The following TMEM135 variants were observed in gnomAD, a reference collection of about 807,000 sequenced individuals.
TMEM135 encodes peroxisomal membrane protein 52.
Under a neutral mutation model 60.3 loss-of-function variants are expected in TMEM135, and 30 were observed. That is an observed-to-expected ratio of 0.50 (90% CI 0.37 to 0.68). The LOEUF is 0.68. TMEM135 is among the 30% of genes least tolerant of loss of function. TMEM135 has a pLI of 0.00. For missense variants in TMEM135, 468 were observed against 548.8 expected (o/e 0.85, Z 1.47); for synonymous variants, 190 against 186.7 (o/e 1.02, Z -0.14).
intron 5 of TMEM135, among the ~76,000 whole-genome samples, chr11:87,235,327 G>A (rs927478082): frequency 1.5e-4 from 22 of 151,660 alleles, no homozygotes; most frequent in African/African-American, 5.3e-4. Context: ...TGTGTGTTTA[G>A]CACAGAAAGA....
chr11:87,135,422 A>C (rs146607790), intron 4 of TMEM135, among the ~76,000 whole-genome samples: 1 of 151,342 alleles, frequency 6.6e-6, no homozygotes, highest in Non-Finnish European at 1.5e-5. Flanking sequence ...TATCGATCAC[A>C]GTTCATTTAA....
At chr11:87,148,843 A>G (rs1231543761) in intron 4 of TMEM135, among the ~76,000 whole-genome samples, 3 of 152,202 alleles carry the variant, frequency 2.0e-5, no homozygotes, top group African/African-American at 7.2e-5. Context: ...ATAAAAATCT[A>G]TCATAGTAAA....
intron 1 of TMEM135, among the ~76,000 whole-genome samples, chr11:87,045,269 A>G (rs1337025488): frequency 2.0e-5 from 3 of 151,780 alleles, no homozygotes; most frequent in Non-Finnish European, 4.4e-5. Context: ...TGACCTTGTG[A>G]TCCGCCCGCC....
At chr11:87,314,184 G>A (rs1942687019) in intron 11 of TMEM135, among the ~76,000 whole-genome samples, 1 of 151,646 alleles carries the variant, frequency 6.6e-6, no homozygotes, top group Non-Finnish European at 1.5e-5. Context: ...TTTTTAAATT[G>A]TATTTGGCAA....
intron 3 of TMEM135, among the ~76,000 whole-genome samples, chr11:87,088,057 C>G (rs1361918416): frequency 1.3e-5 from 2 of 152,044 alleles, no homozygotes; most frequent in Admixed American, 1.3e-4. Flanking sequence ...CTTTTTAAAG[C>G]TGAGCCCAGC....
chr11:87,240,133 C>T (rs1428157182), intron 6 of TMEM135, among the ~76,000 whole-genome samples: 1 of 151,998 alleles, frequency 6.6e-6, no homozygotes, highest in African/African-American at 2.4e-5. Context: ...GGCCTGCCAG[C>T]CATGTAGCTA....
intron 6 of TMEM135, among the ~76,000 whole-genome samples, chr11:87,250,909 T>G (rs976341645): frequency 3.3e-5 from 5 of 152,140 alleles, no homozygotes; most frequent in African/African-American, 1.2e-4. Context: ...TAGGGGATGC[T>G]CTTGCAGTTA....
At chr11:87,279,284 G>A (rs969390782) in intron 6 of TMEM135, among the ~76,000 whole-genome samples, 7 of 152,110 alleles carry the variant, frequency 4.6e-5, no homozygotes, top group African/African-American at 1.7e-4. Context: ...GGGAGATGGT[G>A]TGTCTACTTC....
At chr11:87,168,366 T>C (rs1167550111) in intron 5 of TMEM135, among the ~76,000 whole-genome samples, 1 of 152,030 alleles carries the variant, frequency 6.6e-6, no homozygotes, top group Admixed American at 6.6e-5. Flanking sequence ...TTGTTAGCTT[T>C]TGCTTTTCTA....
chr11:87,073,821 C>A (rs1241123285), intron 3 of TMEM135, among the ~76,000 whole-genome samples: 3 of 152,022 alleles, frequency 2.0e-5, no homozygotes, highest in Non-Finnish European at 4.4e-5. Flanking sequence ...GTGCCTGCCA[C>A]CACGCCTGGC....
chr11:87,076,205 G>T (rs190706209), intron 3 of TMEM135, among the ~76,000 whole-genome samples: 20 of 152,316 alleles, frequency 1.3e-4, no homozygotes, highest in Admixed American at 6.5e-4. Context: ...AAGTTTGCCT[G>T]ATATTCTTTT....
chr11:87,117,497 C>T (rs185959919), intron 4 of TMEM135, among the ~76,000 whole-genome samples: 7 of 152,282 alleles, frequency 4.6e-5, no homozygotes. Context: ...GTTGTCATTT[C>T]AATAATGTCC....
intron 5 of TMEM135, among the ~76,000 whole-genome samples, chr11:87,185,699 AG>A (rs914129229): frequency 3.8e-4 from 58 of 152,298 alleles, no homozygotes; most frequent in Non-Finnish European, 7.2e-4. Context: ...ACCTGTGTAA[AG>A]GGAAACTTGT....
At chr11:87,195,362 C>T (rs865926234) in intron 5 of TMEM135, among the ~76,000 whole-genome samples, 23 of 116,702 alleles carry the variant, frequency 2.0e-4, no homozygotes, top group African/African-American at 6.8e-4. Context: ...TCCTTCCTTC[C>T]TTCCTTCCTT....
chr11:87,201,168 G>A (rs558963446), intron 5 of TMEM135, among the ~76,000 whole-genome samples: 6 of 152,062 alleles, frequency 3.9e-5, no homozygotes, highest in Non-Finnish European at 4.4e-5. Flanking sequence ...GATCATATTG[G>A]TAGGAATTAT....
intron 4 of TMEM135, among the ~76,000 whole-genome samples, chr11:87,149,706 G>T (rs1384436955): frequency 3.3e-5 from 5 of 152,028 alleles, no homozygotes; most frequent in Non-Finnish European, 5.9e-5. Context: ...TCTCAACTAT[G>T]ATTCTCATTC....
Position 87,148,315 on chromosome 11 carries a change from G to A in TMEM135, c.397-9026G>A, listed in dbSNP as rs563529455. Among the ~76,000 whole-genome samples the A allele has an allele frequency of 6.0e-4, 91 of 152,284 alleles. 3 individuals carry two copies. The South Asian group carries it at 0.017, about 29-fold the overall frequency. On this transcript the variant is annotated intron_variant, in intron 4 of 14. Transcript: ENST00000305494. ...CTTTAGCAGAGGTCAAAAGAAAGTT[G>A]TACACTTCAGTGCTTTCCCATAGAA...
intron 6 of TMEM135, among the ~76,000 whole-genome samples, chr11:87,289,138 T>C (rs1396718223): frequency 6.6e-6 from 1 of 152,182 alleles, no homozygotes; most frequent in Admixed American, 6.5e-5. Flanking sequence ...TGAGACCACA[T>C]TTTGTGTGTA....
Position 87,307,046 on chromosome 11 carries a change from A to G in TMEM135, c.768+1041A>G, listed in dbSNP as rs187953415. The stretch of plus-strand genomic sequence containing the variant: ...GTTCCTTTATTTTGAATGGTGCTCT[A>G]ACAGTTCCAATGCTGTAGAAAGTTT... On this transcript the variant is annotated intron_variant, in intron 9 of 14. Coordinates refer to ENST00000305494, the MANE Select transcript of TMEM135 (RefSeq NM_022918.4). Among the ~76,000 whole-genome samples, 394 of 152,176 alleles carry G rather than the reference A, an allele frequency of 2.6e-3. 4 individuals are homozygous for G. Among genetic ancestry groups the G allele is most frequent in the Admixed American group, 0.024 (374 of 15,272 alleles).
Sources: allele counts gnomAD v4.1 joint callset (sites outside exome capture counted in the v4.1 genomes callset), GRCh38; gene constraint gnomAD v4.1.1; transcripts MANE v1.5; gene names NCBI Gene and HGNC (gene_info 2026-07-23, HGNC 2026-07-21).